OSTF1: variants seen among roughly 807,000 people sequenced by gnomAD.
OSTF1 encodes the protein osteoclast-stimulating factor 1.
Under a neutral mutation model 37.2 loss-of-function variants are expected in OSTF1, and 27 were observed. That is an observed-to-expected ratio of 0.73 (90% CI 0.54 to 1.00). The LOEUF (loss-of-function observed/expected upper bound fraction) is 1.00, where lower values mean the gene tolerates loss of function less well. Among genes scored for constraint, OSTF1 ranks in the 50% least tolerant of loss-of-function variants. The pLI, the probability that OSTF1 is intolerant of heterozygous loss-of-function variation, is 0.00. For synonymous variants in OSTF1, 82 were observed against 89.2 expected (o/e 0.92, Z 0.46); for missense variants, 232 against 253.8 (o/e 0.91, Z 0.58).
At chr9:75,141,534 G>A (rs191240392) in intron 9 of OSTF1, among the ~76,000 whole-genome samples, 2 of 152,008 alleles carry the variant, frequency 1.3e-5, no homozygotes, top group East Asian at 3.9e-4. Context: ...TTCAGAGAAC[G>A]ATCATCTTCA....
rs34855201 is a variant in OSTF1, at chr9:75,147,033, A to ATTTTTTTTTTTTTTTTTT, written c.*297_*314dup. 9.3e-6 allele frequency: 1 copy of ATTTTTTTTTTTTTTTTTT among 107,900 alleles called. No individual in the cohort carries two copies. The allele number at this position is 107,900 out of a possible 1,614,324, so 6.7% of individuals were successfully genotyped here. A position where few individuals can be genotyped will look rare whatever the true frequency, so the allele number is the denominator to read the frequency against. On this transcript the variant is annotated 3_prime_UTR_variant, in exon 10 of 10. Transcript: ENST00000346234. ...TTTTTTTCTTTAAAAACAAATTAGG[A>ATTTTTTTTTTTTTTTTTT]TTTTTTTTTTTTTTTTTTTTTTAGT...
chr9:75,111,206 T>C (rs1825380985), intron 1 of OSTF1, among the ~76,000 whole-genome samples: 1 of 152,142 alleles, frequency 6.6e-6, no homozygotes, highest in South Asian at 2.1e-4. Flanking sequence ...GAGCAGAAAT[T>C]TCACCTAGTT....
chr9:75,116,825 C>A lies in OSTF1; in HGVS notation c.35-679C>A, dbSNP rs193015313. 7.9e-5 allele frequency among the ~76,000 whole-genome samples: 12 copies of A among 152,168 alleles called. No individual in the cohort carries two copies. In the East Asian group the frequency reaches 9.7e-4, roughly 12 times the overall value. On this transcript the variant is annotated intron_variant, in intron 1 of 9. Transcript: ENST00000346234. ...GCACAAATAATTATGTAGCTCCTTG[C>A]TGTTAGAAGGAAGCAAAGTCATTTT...
chr9:75,128,363 C>CAT lies in OSTF1; in HGVS notation c.132+787_132+788dup, dbSNP rs1174174895. 8.4e-3 allele frequency among the ~76,000 whole-genome samples: 97 copies of CAT among 11,512 alleles called. 9 individuals are homozygous for CAT. Among genetic ancestry groups the CAT allele is most frequent in the Non-Finnish European group, 0.013 (72 of 5,578 alleles). The allele number at this position is 11,512 out of a possible 152,430, so 7.6% of individuals were successfully genotyped here. ...GTAGAATATGGATATGTATGAAAGA[C>CAT]ATATATATATATATATATATATATA... is the stretch of plus-strand genomic sequence containing the variant. On this transcript the variant is annotated intron_variant, in intron 3 of 9. Coordinates refer to ENST00000346234, the MANE Select transcript of OSTF1 (RefSeq NM_012383.5).
In OSTF1 at chr9:75,142,790, T is replaced by A. The variant is rs114186666; in HGVS notation, c.586+1858T>A. Among the ~76,000 whole-genome samples, 719 of 152,324 alleles carry A rather than the reference T, an allele frequency of 4.7e-3. 5 individuals are homozygous for A. Among genetic ancestry groups the A allele is most frequent in the African/African-American group, 0.016 (685 of 41,576 alleles). On this transcript the variant is annotated intron_variant, in intron 9 of 9. Coordinates refer to ENST00000346234, the MANE Select transcript of OSTF1 (RefSeq NM_012383.5). ...TTTTATATTTCAATTTTCATGTTAC[T>A]TTTAAAATGTTTTTTCTTGCTTCAT...
At chr9:75,134,524 A>G in intron 7 of OSTF1, 129 bp downstream of exon 7, 3 of 567,410 alleles carry the variant, frequency 5.3e-6, no homozygotes, top group Non-Finnish European at 9.4e-6. Context: ...TTATAATTGT[A>G]CTAAAATTCA....
At chr9:75,088,803 G>T in intron 1 of OSTF1, 77 bp downstream of exon 1, 1 of 1,436,152 alleles carries the variant, frequency 7.0e-7, no homozygotes. Context: ...GCTTGGCAGG[G>T]AGGACCCGGC....
intron 1 of OSTF1, among the ~76,000 whole-genome samples, chr9:75,099,599 A>C (rs1483976063): frequency 6.6e-6 from 1 of 152,090 alleles, no homozygotes; most frequent in Non-Finnish European, 1.5e-5. Flanking sequence ...AGGCCAAGGC[A>C]GGTGGATCAC....
chr9:75,120,062 CAT>C lies in OSTF1; in HGVS notation c.81+2517_81+2518del, dbSNP rs547611855. On this transcript the variant is annotated intron_variant, in intron 2 of 9. Transcript: ENST00000346234. ...TAAAGTCCTTATCTCCAAATACAGT[CAT>C]ATATGGAAGTACAGATGCTCTTCAA... Among the ~76,000 whole-genome samples the C allele has an allele frequency of 1.5e-3, 234 of 152,154 alleles. 2 individuals carry two copies. Among genetic ancestry groups the C allele is most frequent in the African/African-American group, 5.4e-3 (224 of 41,512 alleles).
At chr9:75,110,357 T>C (rs1219576497) in intron 1 of OSTF1, among the ~76,000 whole-genome samples, 1 of 152,250 alleles carries the variant, frequency 6.6e-6, no homozygotes, top group African/African-American at 2.4e-5. Flanking sequence ...ACATAGCCTT[T>C]TCATGTTGAC....
intron 2 of OSTF1, among the ~76,000 whole-genome samples, chr9:75,125,697 T>G (rs1397561013): frequency 6.6e-6 from 1 of 152,216 alleles, no homozygotes; most frequent in East Asian, 1.9e-4. Flanking sequence ...TGCATCTAAG[T>G]ATTTTCATGT....
intron 1 of OSTF1, among the ~76,000 whole-genome samples, chr9:75,100,947 C>T (rs765178385): frequency 6.6e-6 from 1 of 152,174 alleles, no homozygotes; most frequent in Non-Finnish European, 1.5e-5. Flanking sequence ...TCCTGGCCTT[C>T]CCGTTCTCTG....
intron 3 of OSTF1, among the ~76,000 whole-genome samples, chr9:75,129,774 A>G (rs557558497): frequency 1.1e-4 from 17 of 152,370 alleles, no homozygotes; most frequent in African/African-American, 4.1e-4. Flanking sequence ...CAACCTATAG[A>G]TTAAAAGATA....
At chr9:75,090,198 CTGCTGCCAGT>C (rs549761746) in intron 1 of OSTF1, among the ~76,000 whole-genome samples, 1,869 of 152,136 alleles carry the variant, frequency 0.012, 21 homozygotes, top group Non-Finnish European at 0.019. Context: ...TTCTGATCAC[CTGCTGCCAGT>C]TGAAATACGT....
intron 1 of OSTF1, among the ~76,000 whole-genome samples, chr9:75,096,651 C>A (rs184692551): frequency 6.6e-6 from 1 of 152,338 alleles, no homozygotes; most frequent in East Asian, 1.9e-4. Flanking sequence ...CCAGGACTTA[C>A]TGCCATGAGA....
At chr9:75,110,444 A>T (rs1825366556) in intron 1 of OSTF1, among the ~76,000 whole-genome samples, 1 of 152,146 alleles carries the variant, frequency 6.6e-6, no homozygotes, top group Admixed American at 6.5e-5. Context: ...TTTAGTGCTG[A>T]ATAATATCCC....
In OSTF1 at chr9:75,147,249, G is replaced by A. The variant is rs1250331212; in HGVS notation, c.*508G>A. 6.6e-6 allele frequency: 1 copy of A among 151,718 alleles called. No individual in the cohort carries two copies. The highest frequency in any genetic ancestry group is 2.4e-5 in the African/African-American group (1 of 41,326). 9.4% of individuals were successfully genotyped at this position (151,718 alleles called of 1,614,324 possible). On this transcript the variant is annotated 3_prime_UTR_variant, in exon 10 of 10. Coordinates refer to ENST00000346234, the MANE Select transcript of OSTF1 (RefSeq NM_012383.5). ...CACTCATTGTCGTTAAGTAAGTAAAGCTTTTTATATTTAGGTAAGAACTGA... is the reference window on the plus strand; with the variant it reads ...CACTCATTGTCGTTAAGTAAGTAAAACTTTTTATATTTAGGTAAGAACTGA...
Position 75,146,837 on chromosome 9 carries a change from T to G in OSTF1, c.*96T>G, listed in dbSNP as rs2118657230. ...AAAGTGTTGGTAACTATAAAGAAAA[T>G]TATATATGAACACGGCAGTGTTGCA... is the stretch of plus-strand genomic sequence containing the variant. On this transcript the variant is annotated 3_prime_UTR_variant, in exon 10 of 10. Transcript: ENST00000346234. 1.2e-6 allele frequency: 1 copy of G among 821,210 alleles called. No individual in the cohort carries two copies. The highest frequency in any genetic ancestry group is 1.5e-5 in the South Asian group (1 of 66,824). The allele number at this position is 821,210 out of a possible 1,614,324, so 50.9% of individuals were successfully genotyped here.
At chr9:75,134,604 TC>T (rs1825815071) in intron 7 of OSTF1, among the ~76,000 whole-genome samples, 1 of 152,190 alleles carries the variant, frequency 6.6e-6, no homozygotes, top group Admixed American at 6.5e-5. Flanking sequence ...AGCTCTTTCT[TC>T]CTGTACTTAC....
Sources: allele counts gnomAD v4.1 joint callset (sites outside exome capture counted in the v4.1 genomes callset), GRCh38; gene constraint gnomAD v4.1.1; transcripts MANE v1.5; gene names NCBI Gene and HGNC (gene_info 2026-07-23, HGNC 2026-07-21).